The following TSHZ2 variants were observed in gnomAD, a reference collection of about 807,000 sequenced individuals.
The protein encoded by TSHZ2 is teashirt homolog 2.
In TSHZ2, 21 loss-of-function variants were observed where a neutral mutation model predicts 74.4. The observed-to-expected ratio is 0.28, with a 90% confidence interval of 0.20 to 0.41. The LOEUF (loss-of-function observed/expected upper bound fraction) is 0.41, where lower values mean the gene tolerates loss of function less well. Among genes scored for constraint, TSHZ2 ranks in the 10% least tolerant of loss-of-function variants. The pLI is 1.00. For missense variants in TSHZ2, 1,244 were observed against 1,293.5 expected (o/e 0.96, Z 0.59); for synonymous variants, 540 against 515.3 (o/e 1.05, Z -0.65).
At chr20:53,090,171 C>T (rs1296665101) in intron 1 of TSHZ2, among the ~76,000 whole-genome samples, 1 of 152,130 alleles carries the variant, frequency 6.6e-6, no homozygotes, top group Non-Finnish European at 1.5e-5. Context: ...GGCCAGAGGA[C>T]TCAGCAAATC....
chr20:53,216,147 A>G (rs1229222977), intron 1 of TSHZ2, among the ~76,000 whole-genome samples: 3 of 152,202 alleles, frequency 2.0e-5, no homozygotes, highest in African/African-American at 4.8e-5. Context: ...GTGGGGGGCC[A>G]GCTCACTTTT....
intron 1 of TSHZ2, among the ~76,000 whole-genome samples, chr20:53,233,807 G>C (rs1259706685): frequency 6.6e-6 from 1 of 152,170 alleles, no homozygotes; most frequent in Non-Finnish European, 1.5e-5. Context: ...AAAAAGAAGA[G>C]TATATGTCAG....
intron 1 of TSHZ2, among the ~76,000 whole-genome samples, chr20:53,147,467 A>G (rs1263410636): frequency 6.6e-6 from 1 of 152,244 alleles, no homozygotes; most frequent in East Asian, 1.9e-4. Context: ...CCAGTCTAGA[A>G]ACTTAAATGT....
chr20:53,368,423 C>T (rs542661201), intron 2 of TSHZ2, among the ~76,000 whole-genome samples: 3 of 152,148 alleles, frequency 2.0e-5, no homozygotes, highest in Admixed American at 2.0e-4. Flanking sequence ...GATTCTCCTG[C>T]CTTCAGAGTA....
intron 1 of TSHZ2, among the ~76,000 whole-genome samples, chr20:53,079,383 A>C (rs1347770293): frequency 6.6e-6 from 1 of 152,238 alleles, no homozygotes; most frequent in Non-Finnish European, 1.5e-5. Context: ...GCGGGTTGCC[A>C]GACAGTGGTT....
chr20:53,348,551 A>ACC (rs11086420), intron 2 of TSHZ2, among the ~76,000 whole-genome samples: 141 of 151,728 alleles, frequency 9.3e-4, no homozygotes, highest in African/African-American at 1.4e-3. Flanking sequence ...AAAAAAATAG[A>ACC]CCCCCCCAAA....
chr20:53,251,763 C>T (rs922728708), intron 1 of TSHZ2, among the ~76,000 whole-genome samples: 2 of 152,172 alleles, frequency 1.3e-5, no homozygotes, highest in Admixed American at 6.5e-5. Flanking sequence ...GCTCTTGTCT[C>T]CAGTTTTCCC....
intron 2 of TSHZ2, among the ~76,000 whole-genome samples, chr20:53,434,566 C>T (rs1983970492): frequency 6.6e-6 from 1 of 152,208 alleles, no homozygotes; most frequent in Admixed American, 6.5e-5. Context: ...TCAAGAAAGA[C>T]ACTTGAGTTG....
At chr20:53,362,420 C>G (rs1287854867) in intron 2 of TSHZ2, among the ~76,000 whole-genome samples, 2 of 148,984 alleles carry the variant, frequency 1.3e-5, no homozygotes, top group Admixed American at 6.7e-5. Context: ...TCCTGACCTC[C>G]TGATCTGCCC....
At chr20:53,364,626 G>C (rs1981188545) in intron 2 of TSHZ2, among the ~76,000 whole-genome samples, 1 of 152,262 alleles carries the variant, frequency 6.6e-6, no homozygotes, top group African/African-American at 2.4e-5. Flanking sequence ...GGAAGGTTCA[G>C]ATTTGTTTCT....
chr20:53,204,839 T>C (rs1989124077), intron 1 of TSHZ2, among the ~76,000 whole-genome samples: 1 of 152,022 alleles, frequency 6.6e-6, no homozygotes, highest in African/African-American at 2.4e-5. Flanking sequence ...CCCAGCACTT[T>C]GGGAGGCCGA....
intron 2 of TSHZ2, among the ~76,000 whole-genome samples, chr20:53,436,678 T>C (rs986927441): frequency 9.3e-5 from 14 of 151,308 alleles, no homozygotes; most frequent in African/African-American, 3.2e-4. Context: ...CCCCAGTAGC[T>C]GGGATTACAG....
intron 1 of TSHZ2, among the ~76,000 whole-genome samples, chr20:53,002,651 ATAAAT>A (rs1046299742): frequency 7.3e-6 from 1 of 137,264 alleles, no homozygotes; most frequent in African/African-American, 2.7e-5. Flanking sequence ...TTTATAAAAA[ATAAAT>A]TTATAAAAAA....
At chr20:53,369,552 CA>C (rs910604889) in intron 2 of TSHZ2, among the ~76,000 whole-genome samples, 5 of 150,300 alleles carry the variant, frequency 3.3e-5, no homozygotes, top group African/African-American at 1.2e-4. Context: ...ACTAAAAATA[CA>C]AAAAAAAATT....
chr20:52,997,374 A>T (rs977765104), intron 1 of TSHZ2, among the ~76,000 whole-genome samples: 5 of 152,008 alleles, frequency 3.3e-5, no homozygotes, highest in African/African-American at 1.2e-4. Context: ...CAGTCCTGAG[A>T]TTTCTAATCT....
intron 1 of TSHZ2, among the ~76,000 whole-genome samples, chr20:53,033,669 T>C (rs1007247994): frequency 5.7e-5 from 8 of 139,588 alleles, no homozygotes; most frequent in Non-Finnish European, 1.1e-4. Flanking sequence ...TTTTTTTTTT[T>C]TTTTTTTGGA....
chr20:53,346,349 G>C (rs188488636), intron 2 of TSHZ2, among the ~76,000 whole-genome samples: 1 of 152,242 alleles, frequency 6.6e-6, no homozygotes, highest in Non-Finnish European at 1.5e-5. Flanking sequence ...GACAACAAAG[G>C]CTCAGGGTGC....
chr20:52,977,382 C>T (rs1422705925), intron 1 of TSHZ2, among the ~76,000 whole-genome samples: 1 of 151,634 alleles, frequency 6.6e-6, no homozygotes, highest in Non-Finnish European at 1.5e-5. Context: ...GATTCCTTCA[C>T]TTGCCCAAAA....
chr20:53,312,359 C>T (rs1157999215), intron 2 of TSHZ2, among the ~76,000 whole-genome samples: 4 of 152,164 alleles, frequency 2.6e-5, no homozygotes, highest in South Asian at 2.1e-4. Context: ...CTGCCACCAG[C>T]ATGTCTGTCT....
Sources: allele counts gnomAD v4.1 joint callset (sites outside exome capture counted in the v4.1 genomes callset), GRCh38; gene constraint gnomAD v4.1.1; transcripts MANE v1.5; gene names NCBI Gene and HGNC (gene_info 2026-07-23, HGNC 2026-07-21).